The following RGS3 variants were observed in gnomAD, a reference collection of about 807,000 sequenced individuals.
The protein encoded by RGS3 is regulator of G protein signaling 3, also known as regulator of G-protein signalling 3.
A neutral mutation model predicts 132.6 loss-of-function variants in RGS3; 80 were observed. The observed-to-expected ratio is 0.60, with a 90% confidence interval of 0.50 to 0.73. The LOEUF is 0.73. RGS3 is among the 30% of genes least tolerant of loss of function. RGS3 has a pLI of 0.00. For synonymous variants in RGS3, 598 were observed against 620.6 expected, an observed-to-expected ratio of 0.96 and a Z score of 0.54; for missense variants, 1,382 against 1,530.8, an observed-to-expected ratio of 0.90 and a Z score of 1.62.
chr9:113,525,474 C>CA (rs1205041191), intron 17 of RGS3, among the ~76,000 whole-genome samples: 1 of 152,180 alleles, frequency 6.6e-6, no homozygotes, highest in Non-Finnish European at 1.5e-5. Flanking sequence ...CCTGCTGCAG[C>CA]AGCAAGGGCC....
Position 113,571,495 on chromosome 9 carries a change from T to C in RGS3, c.2038-11955T>C, listed in dbSNP as rs192128299. Among the ~76,000 whole-genome samples, 7 of 152,362 alleles carry C rather than the reference T, an allele frequency of 4.6e-5. No homozygotes were observed. In the East Asian group the frequency reaches 1.3e-3, roughly 29 times the overall value. ...TGAGGTCGAGTCCCTTTTTCATGTG[T>C]TGATTAGCCATTTGGATGACCTCTT... On this transcript the variant is annotated intron_variant, in intron 19 of 24. Transcript: ENST00000350696.
intron 16 of RGS3, among the ~76,000 whole-genome samples, chr9:113,520,673 G>A (rs1021352566): frequency 2.0e-5 from 3 of 151,204 alleles, no homozygotes; most frequent in Non-Finnish European, 2.9e-5. Flanking sequence ...GACACGTTTT[G>A]TGGGACCCTG....
intron 16 of RGS3, among the ~76,000 whole-genome samples, chr9:113,520,148 T>C (rs1831869792): frequency 1.3e-5 from 2 of 152,202 alleles, no homozygotes; most frequent in Admixed American, 1.3e-4. Flanking sequence ...ATCAGATGTG[T>C]CCTTGGAGCA....
chr9:113,510,010 A>G (rs1353682730), intron 14 of RGS3, among the ~76,000 whole-genome samples: 1 of 151,968 alleles, frequency 6.6e-6, no homozygotes, highest in East Asian at 1.9e-4. Context: ...TTTAGTGGTG[A>G]TTTGTGAGAT....
chr9:113,523,832 G>A (rs1286096140), intron 17 of RGS3, among the ~76,000 whole-genome samples: 1 of 152,134 alleles, frequency 6.6e-6, no homozygotes, highest in Admixed American at 6.5e-5. Context: ...TTCTGTTTTG[G>A]TGGGGTTTGC....
chr9:113,541,897 T>G (rs1170666563), intron 19 of RGS3: 2 of 980,604 alleles, frequency 2.0e-6, no homozygotes, highest in Admixed American at 6.1e-5. Flanking sequence ...GTGCATCTAC[T>G]TTATGCCAGG....
At chr9:113,541,164 C>T (rs1458055013) in intron 19 of RGS3, among the ~76,000 whole-genome samples, 3 of 152,158 alleles carry the variant, frequency 2.0e-5, no homozygotes, top group African/African-American at 2.4e-5. Flanking sequence ...CGGTGAGGTG[C>T]GTGCCACCTT....
chr9:113,497,548 A>G (rs1050362173), intron 9 of RGS3, 144 bp downstream of exon 7: 22 of 672,104 alleles, frequency 3.3e-5, no homozygotes, highest in South Asian at 2.4e-4. Context: ...TCTCAGGAGC[A>G]CTTGCTAGAG....
At chr9:113,529,405 G>T (rs570258546) in intron 18 of RGS3, 141 bp downstream of exon 16, 59 of 720,158 alleles carry the variant, frequency 8.2e-5, no homozygotes, top group Middle Eastern at 3.6e-4. Context: ...GGCCAGAGTA[G>T]CGGTTTTTTG....
At position 113,591,871 on chromosome 9, in the gene RGS3, G is replaced by A. The variant is rs933726749; in HGVS notation, c.3080+474G>A. On this transcript the variant is annotated intron_variant, in intron 21 of 24. Coordinates refer to ENST00000350696, the Ensembl canonical transcript of RGS3. This position sits in a 1 kb window ranked among gnomAD's most constrained non-coding sequence, Gnocchi z 4.4. The stretch of plus-strand genomic sequence containing the variant: ...GGCCCAGCTGCCGAATCCCGCACTC[G>A]CCAAGCCTTTCTGGCCACACTCAGG... 20 of 170,770 alleles carry A rather than the reference G, an allele frequency of 1.2e-4. No individual in the cohort carries two copies. The highest frequency in any genetic ancestry group is 5.6e-4 in the South Asian group (4 of 7,102). 10.6% of individuals were successfully genotyped at this position (170,770 alleles called of 1,614,324 possible).
intron 19 of RGS3, among the ~76,000 whole-genome samples, chr9:113,546,100 C>G (rs533020673): frequency 1.3e-5 from 2 of 152,206 alleles, no homozygotes; most frequent in Admixed American, 6.5e-5. Context: ...TTTCCAGGCT[C>G]TCCTTGGTAG....
intron 19 of RGS3, chr9:113,541,285 C>A: frequency 1.2e-6 from 2 of 1,603,368 alleles, no homozygotes. Flanking sequence ...CCTGAGTAGA[C>A]AGCGAGCTAA....
intron 4 of RGS3, chr9:113,482,813 T>G: frequency 1.3e-6 from 1 of 765,220 alleles, no homozygotes; most frequent in Non-Finnish European, 2.0e-6. Flanking sequence ...AATGCATTGG[T>G]GAGGGTGCTG....
chr9:113,587,316 G>C (rs1835168780), intron 20 of RGS3, among the ~76,000 whole-genome samples: 1 of 152,162 alleles, frequency 6.6e-6, no homozygotes, highest in Admixed American at 6.5e-5. Flanking sequence ...TTCTGGGAGG[G>C]TCCCCTGATG....
In RGS3 at chr9:113,507,738, G is replaced by A; in HGVS notation, c.1437+100G>A. On this transcript the variant is annotated intron_variant, in intron 13 of 24. Transcript: ENST00000350696. This position sits in a 1 kb window ranked among gnomAD's most constrained non-coding sequence, Gnocchi z 5.0. ...AGTTGTGTGATGAGCAGCCTGTGAG[G>A]GGCTGCGATGTTGGGCAAGGAGATG... 1.0e-6 allele frequency: 1 copy of A among 985,670 alleles called. No individual in the cohort carries two copies. The highest frequency in any genetic ancestry group is 1.4e-6 in the Non-Finnish European group (1 of 694,974). 61.1% of individuals were successfully genotyped at this position (985,670 alleles called of 1,614,324 possible).
At chr9:113,540,170 C>T (rs921400578) in intron 19 of RGS3, among the ~76,000 whole-genome samples, 5 of 152,104 alleles carry the variant, frequency 3.3e-5, no homozygotes, top group African/African-American at 1.2e-4. Context: ...GCCTACCTTT[C>T]TTCTTCTGCC....
intron 19 of RGS3, among the ~76,000 whole-genome samples, chr9:113,580,141 C>T (rs770292632): frequency 6.6e-6 from 1 of 152,242 alleles, no homozygotes; most frequent in African/African-American, 2.4e-5. Flanking sequence ...CCTGGGAGCA[C>T]AGAAAGAACC....
intron 19 of RGS3, 22 bp downstream of exon 17, chr9:113,536,940 G>A (rs766435051): frequency 1.2e-5 from 20 of 1,609,698 alleles, no homozygotes; most frequent in Non-Finnish European, 1.7e-5. Context: ...GACAGTGGCT[G>A]TGGCCTGGCT....
chr9:113,455,705 G>C (rs989419132), upstream of RGS3, among the ~76,000 whole-genome samples: 1 of 152,142 alleles, frequency 6.6e-6, no homozygotes, highest in African/African-American at 2.4e-5. Flanking sequence ...GGTATTTACA[G>C]CAACCAGCAT....
Sources: gnomAD v4.1 joint callset for allele counts (sites outside exome capture counted in the v4.1 genomes callset) on GRCh38, gnomAD v4.1.1 for gene constraint, Gnocchi (gnomAD v3.1) non-coding constraint, MANE v1.5 for transcripts, NCBI Gene and HGNC (gene_info 2026-07-23, HGNC 2026-07-21) for gene names.